Variants in ERBB4 observed in about 807,000 individuals in gnomAD.
ERBB4 encodes the protein receptor tyrosine-protein kinase erbB-4.
ERBB4 carries 42 observed loss-of-function variants against 158.0 expected under a neutral mutation model. That is an observed-to-expected ratio of 0.27 (90% confidence interval 0.21 to 0.34). The LOEUF (loss-of-function observed/expected upper bound fraction) is 0.34, where lower values mean the gene tolerates loss of function less well. ERBB4 is among the 10% of genes least tolerant of loss of function. The pLI is 1.00. For missense variants in ERBB4, 1,333 were observed against 1,624.1 expected, an observed-to-expected ratio of 0.82 and a Z score of 3.08; for synonymous variants, 583 against 558.7, an observed-to-expected ratio of 1.04 and a Z score of -0.61.
intron 25 of ERBB4, among the ~76,000 whole-genome samples, chr2:211,416,628 A>ACAAT (rs1407940525): frequency 2.0e-5 from 3 of 152,206 alleles, no homozygotes; most frequent in Non-Finnish European, 1.5e-5. Flanking sequence ...TACTTGTATA[A>ACAAT]CAATCAGCTC....
At chr2:212,091,840 T>C (rs2078787156) in intron 2 of ERBB4, among the ~76,000 whole-genome samples, 1 of 152,210 alleles carries the variant, frequency 6.6e-6, no homozygotes, top group South Asian at 2.1e-4. Flanking sequence ...AAAATAATTT[T>C]AAAACATATC....
chr2:211,735,233 C>A (rs77338460), intron 5 of ERBB4, among the ~76,000 whole-genome samples: 2 of 142,924 alleles, frequency 1.4e-5, no homozygotes, highest in Non-Finnish European at 3.0e-5. Flanking sequence ...AAAAAAAAAA[C>A]TATACTAAAA....
intron 1 of ERBB4, among the ~76,000 whole-genome samples, chr2:212,531,172 T>G (rs192795709): frequency 6.6e-6 from 1 of 152,248 alleles, no homozygotes; most frequent in Admixed American, 6.5e-5. Context: ...ATCTCCAATT[T>G]CTATCAGGAA....
At chr2:211,989,128 A>G (rs891120949) in intron 2 of ERBB4, among the ~76,000 whole-genome samples, 9 of 151,998 alleles carry the variant, frequency 5.9e-5, no homozygotes, top group Non-Finnish European at 1.0e-4. Context: ...CAACAATTAG[A>G]AGAAGGTAAG....
chr2:212,226,181 G>GAGTA (rs2083461912), intron 1 of ERBB4, among the ~76,000 whole-genome samples: 1 of 152,078 alleles, frequency 6.6e-6, no homozygotes, highest in Non-Finnish European at 1.5e-5. Flanking sequence ...TAGGTTTGGA[G>GAGTA]AGCAACCCCA....
At chr2:212,364,826 A>T (rs1410179842) in intron 1 of ERBB4, among the ~76,000 whole-genome samples, 3 of 151,610 alleles carry the variant, frequency 2.0e-5, no homozygotes, top group African/African-American at 7.3e-5. Context: ...ATTCAGGATC[A>T]CTTATTTCAG....
At chr2:212,463,984 A>G (rs1412510112) in intron 1 of ERBB4, among the ~76,000 whole-genome samples, 1 of 152,132 alleles carries the variant, frequency 6.6e-6, no homozygotes, top group Non-Finnish European at 1.5e-5. Context: ...TTCTGCACAC[A>G]ATATACAATA....
intron 20 of ERBB4, among the ~76,000 whole-genome samples, chr2:211,514,593 C>A (rs1191006801): frequency 6.6e-6 from 1 of 152,136 alleles, no homozygotes; most frequent in Admixed American, 6.5e-5. Context: ...TATTACACAT[C>A]TCATATGTCC....
At position 212,276,821 on chromosome 2, in the gene ERBB4, C is replaced by A. The variant is rs569799367; in HGVS notation, c.83-151918G>T. Among the ~76,000 whole-genome samples the A allele has an allele frequency of 1.3e-3, 199 of 151,820 alleles. 5 individuals are homozygous for A. Among genetic ancestry groups the A allele is most frequent in the Non-Finnish European group, 4.7e-4 (32 of 67,846 alleles). On this transcript the variant is annotated intron_variant, in intron 1 of 27. Coordinates refer to ENST00000342788, the MANE Select transcript of ERBB4 (RefSeq NM_005235.3). ...TTTTCACTATTTGTTTAATTTAATT[C>A]CTTAGAAAAGCTATGTCATAAGCCA...
At chr2:212,135,910 C>T (rs2080256908) in intron 1 of ERBB4, among the ~76,000 whole-genome samples, 1 of 152,216 alleles carries the variant, frequency 6.6e-6, no homozygotes, top group Non-Finnish European at 1.5e-5. Context: ...TGAGGTCTTG[C>T]TGTGAATCTG....
chr2:212,501,758 T>C (rs1690904573), intron 1 of ERBB4, among the ~76,000 whole-genome samples: 1 of 152,156 alleles, frequency 6.6e-6, no homozygotes, highest in Non-Finnish European at 1.5e-5. Flanking sequence ...TAAACTTTAG[T>C]GTACTCTAGA....
At chr2:212,137,314 CCTCT>C in intron 1 of ERBB4, among the ~76,000 whole-genome samples, 1 of 151,954 alleles carries the variant, frequency 6.6e-6, no homozygotes, top group East Asian at 1.9e-4. Context: ...TTTTTCTGAT[CCTCT>C]CTCTCCTCCC....
intron 6 of ERBB4, 72 bp from the exon 7 acceptor site, chr2:211,722,606 CAGG>C (rs1236922545): frequency 1.2e-5 from 17 of 1,448,402 alleles, no homozygotes; most frequent in African/African-American, 2.8e-5. Flanking sequence ...GCTGCCAAAA[CAGG>C]AGAAGTTTTT....
intron 1 of ERBB4, among the ~76,000 whole-genome samples, chr2:212,197,616 A>G (rs950082092): frequency 1.3e-5 from 2 of 152,286 alleles, no homozygotes; most frequent in South Asian, 4.1e-4. Context: ...AGAACTGCCC[A>G]TAATAGGTTT....
At chr2:211,744,394 C>A (rs892176286) in intron 5 of ERBB4, among the ~76,000 whole-genome samples, 1 of 152,136 alleles carries the variant, frequency 6.6e-6, no homozygotes, top group Non-Finnish European at 1.5e-5. Flanking sequence ...AGTAAGTTGT[C>A]GGTTTGTTCA....
chr2:211,623,226 C>A (rs1271695597), intron 18 of ERBB4, among the ~76,000 whole-genome samples: 1 of 151,170 alleles, frequency 6.6e-6, no homozygotes, highest in Non-Finnish European at 1.5e-5. Flanking sequence ...CATACACATG[C>A]CATCATTTGA....
intron 3 of ERBB4, among the ~76,000 whole-genome samples, chr2:211,798,345 C>T (rs1406681522): frequency 6.6e-6 from 1 of 152,040 alleles, no homozygotes; most frequent in Non-Finnish European, 1.5e-5. Flanking sequence ...ATAGGCTGTT[C>T]ATTTTTATTG....
chr2:211,657,340 C>T (rs1374462516), intron 16 of ERBB4, among the ~76,000 whole-genome samples: 1 of 151,944 alleles, frequency 6.6e-6, no homozygotes, highest in Non-Finnish European at 1.5e-5. Context: ...GAAAACCCAT[C>T]TCTACTAAAA....
rs572555600 is a variant in ERBB4 at position 211,401,914 on chromosome 2, G to A, written c.3136-13922C>T. On this transcript the variant is annotated intron_variant, in intron 25 of 27. Coordinates refer to ENST00000342788, the MANE Select transcript of ERBB4 (RefSeq NM_005235.3). ...AGAAAAACCTCTTTTATATTTTCTG[G>A]GCCACTATGTCACAATTATAATATA... 4.9e-4 allele frequency among the ~76,000 whole-genome samples: 74 copies of A among 151,190 alleles called. 2 individuals are homozygous for A. The South Asian group carries it at 0.015, about 31-fold the overall frequency.
Sources: gnomAD v4.1 joint callset for allele counts (sites outside exome capture counted in the v4.1 genomes callset) on GRCh38, gnomAD v4.1.1 for gene constraint, MANE v1.5 for transcripts, NCBI Gene and HGNC (gene_info 2026-07-23, HGNC 2026-07-21) for gene names.